The following BCOR variants were observed in gnomAD, a reference collection of about 807,000 sequenced individuals.
The protein encoded by BCOR is BCL6 corepressor.
BCOR carries 10 observed loss-of-function variants against 86.7 expected under a neutral mutation model. That is an observed-to-expected ratio of 0.12 (90% CI 0.07 to 0.20). The LOEUF is 0.20. Among genes scored for constraint, BCOR ranks in the 10% least tolerant of loss-of-function variants. BCOR has a pLI of 1.00. For synonymous variants in BCOR, 611 were observed against 609.0 expected (o/e 1.00, Z -0.05); for missense variants, 1,259 against 1,452.1 (o/e 0.87, Z 2.16).
intron 1 of BCOR, among the ~76,000 whole-genome samples, chrX:40,139,497 ATTT>A (rs750808544): frequency 5.3e-4 from 3 of 5,709 alleles, no homozygotes; most frequent in African/African-American, 1.8e-3. Flanking sequence ...ATATATATAT[ATTT>A]TTTTTTTTTT....
At chrX:40,053,855 T>C in intron 14 of BCOR, 31 bp downstream of exon 14, 1 of 1,207,733 alleles carries the variant, frequency 8.3e-7, no homozygotes, top group Non-Finnish European at 1.1e-6. Context: ...GCAGCTCAGC[T>C]AGTTTTCAAT....
chrX:40,088,912 A>G (rs909341462), intron 1 of BCOR, among the ~76,000 whole-genome samples: 98 of 112,070 alleles, frequency 8.7e-4, no homozygotes, highest in African/African-American at 3.1e-3. Context: ...TTCTGAAATG[A>G]GTTCCTAACC....
rs1270966750 is a variant in BCOR, at chrX:40,074,728, G to C, written c.618C>G (p.Phe206Leu). 2.5e-6 allele frequency: 3 copies of C among 1,209,808 alleles called. No homozygotes were observed. In the Admixed American group the frequency reaches 6.5e-5, roughly 26 times the overall value. ...GTGAATACTTATTTGGCGAGTCGAG[G>C]AAAGGGTAGATGGCTGGCGTGGCAC... ...MEGATPAIYP[F>L]LDSPNKYSLN... is the part of the protein sequence containing the mutation. Residue 206 changes from phenylalanine (F) to leucine (L), a missense_variant, in exon 4 of 15, where the codon TTC (phenylalanine) becomes TTG (leucine). By Grantham distance (22) the Phe-to-Leu change is conservative. Around this residue, in one of 7 missense-constraint regions of BCOR, gnomAD observed 174 missense variants for 189.3 expected, o/e 0.92. Transcript: ENST00000378444.
chrX:40,063,418 A>G (rs1490570070), intron 8 of BCOR, among the ~76,000 whole-genome samples, 190 bp downstream of exon 8: 1 of 111,781 alleles, frequency 8.9e-6, no homozygotes, highest in Non-Finnish European at 1.9e-5. Flanking sequence ...GGCTGGAATG[A>G]AGGTGTTCAG....
chrX:40,109,982 G>T (rs1416769943), intron 1 of BCOR, among the ~76,000 whole-genome samples: 3 of 112,335 alleles, frequency 2.7e-5, no homozygotes, highest in Non-Finnish European at 5.7e-5. Flanking sequence ...GGACGGCCGG[G>T]TCCCCGGGCC....
intron 1 of BCOR, among the ~76,000 whole-genome samples, chrX:40,081,961 C>T (rs1226949287): frequency 8.9e-6 from 1 of 112,610 alleles, no homozygotes; most frequent in Non-Finnish European, 1.9e-5. Context: ...GCTCTTAGCA[C>T]CAAGGAAGTG....
intron 1 of BCOR, among the ~76,000 whole-genome samples, chrX:40,112,384 A>G (rs1422982541): frequency 8.9e-6 from 1 of 112,079 alleles, no homozygotes; most frequent in African/African-American, 3.2e-5. Context: ...AACAATAGCA[A>G]GCATTTACAT....
At chrX:40,140,228 C>T (rs566879808) in intron 1 of BCOR, among the ~76,000 whole-genome samples, 5 of 105,582 alleles carry the variant, frequency 4.7e-5, no homozygotes, top group African/African-American at 1.7e-4. Context: ...GAGGCCGAGG[C>T]GGGAGGATCA....
At chrX:40,108,746 G>A (rs1937241563) in intron 1 of BCOR, among the ~76,000 whole-genome samples, 1 of 113,151 alleles carries the variant, frequency 8.8e-6, no homozygotes, top group African/African-American at 3.2e-5. Flanking sequence ...GGATCCGGCC[G>A]GGCTCCTCCT....
Position 40,110,277 on chromosome X carries a change from G to C in BCOR, c.-40-32308C>G, listed in dbSNP as rs1220036603. On this transcript the variant is annotated intron_variant, in intron 1 of 14. Coordinates refer to the BCOR transcript ENST00000342274. ...AAGTAATGTATAAACAGCACTATTT[G>C]GGAGGGAATCACTTATGTTGACATT... Among the ~76,000 whole-genome samples the C allele has an allele frequency of 2.7e-5, 3 of 111,011 alleles. No homozygotes were observed. In the Admixed American group the frequency reaches 2.9e-4, roughly 11 times the overall value.
rs1935034688 is a variant in BCOR at position 40,063,818 on chromosome X, G to C, written c.3637C>G (p.His1213Asp). 2 of 1,210,249 alleles carry C rather than the reference G, an allele frequency of 1.7e-6. No individual in the cohort carries two copies. The highest frequency in any genetic ancestry group is 2.2e-6 in the Non-Finnish European group (2 of 895,267). The change falls in exon 8 of 15, where the codon CAC (histidine) becomes GAC (aspartate). Residue 1213 changes from histidine to aspartate, a missense_variant. His to Asp is a moderately conservative substitution (Grantham distance 81). Transcript: ENST00000378444. ...TGCTGCTCCCATCGTTCTCTAAGGT[G>C]CAGCAAGTGGCGTTGTTTTTTAGGA... Reference protein sequence around the residue: ...LHPKKQRHLLHLRERWEQQVS... With the variant: ...LHPKKQRHLLDLRERWEQQVS...
At chrX:40,096,933 C>T (rs1318399305) in intron 1 of BCOR, among the ~76,000 whole-genome samples, 4 of 112,370 alleles carry the variant, frequency 3.6e-5, no homozygotes, top group Non-Finnish European at 7.5e-5. Context: ...TGCGAACTCC[C>T]TGCTCTCCTC....
chrX:40,059,014 G>C (rs1275423293), intron 10 of BCOR, among the ~76,000 whole-genome samples: 1 of 111,836 alleles, frequency 8.9e-6, no homozygotes, highest in African/African-American at 3.3e-5. Context: ...CCCGGCAGCC[G>C]GCCTGGTGTC....
chrX:40,071,264 A>C (rs1319394372), intron 5 of BCOR, 105 bp from the exon 6 acceptor site: 15 of 793,775 alleles, frequency 1.9e-5, no homozygotes, highest in Non-Finnish European at 2.5e-5. Flanking sequence ...AAAAGTGCCC[A>C]AAACCAACCA....
chrX:40,092,670 A>G (rs1936674953), intron 1 of BCOR, among the ~76,000 whole-genome samples: 1 of 110,675 alleles, frequency 9.0e-6, no homozygotes. Flanking sequence ...AAGGTCAGGA[A>G]CTCAAAATCT....
At chrX:40,061,744 G>A (rs1421147859) in intron 10 of BCOR, among the ~76,000 whole-genome samples, 1 of 100,724 alleles carries the variant, frequency 9.9e-6, no homozygotes, top group East Asian at 3.1e-4. Flanking sequence ...ACCCGAAACA[G>A]TACAAGCAGC....
At chrX:40,097,992 C>T (rs1208015393), upstream of BCOR, among the ~76,000 whole-genome samples, 5 of 107,850 alleles carry the variant, frequency 4.6e-5, no homozygotes, top group Non-Finnish European at 9.7e-5. Context: ...CGCGTCCCCC[C>T]TCCCTGGTTC....
intron 1 of BCOR, among the ~76,000 whole-genome samples, chrX:40,170,999 G>A (rs1303455775): frequency 9.0e-6 from 1 of 111,630 alleles, no homozygotes; most frequent in South Asian, 3.8e-4. Context: ...ATCCGAGGGG[G>A]ACAGAGTAGG....
chrX:40,110,042 A>G (rs189724801), intron 1 of BCOR, among the ~76,000 whole-genome samples: 1 of 112,482 alleles, frequency 8.9e-6, no homozygotes, highest in Admixed American at 9.3e-5. Flanking sequence ...AGAAATTTAT[A>G]AACCCGTTTC....
Sources: gnomAD v4.1 joint callset for allele counts (sites outside exome capture counted in the v4.1 genomes callset) on GRCh38, gnomAD v4.1.1 for gene constraint, gnomAD v4.1.1 regional missense constraint, MANE v1.5 for transcripts, NCBI Gene and HGNC (gene_info 2026-07-23, HGNC 2026-07-21) for gene names.